Variants in ACP7 observed in about 807,000 individuals in gnomAD.
ACP7 encodes acid phosphatase type 7.
A neutral mutation model predicts 60.6 loss-of-function variants in ACP7; 58 were observed. The ratio of observed to expected loss-of-function variants is 0.96; its 90% CI spans 0.77 to 1.19. The LOEUF (loss-of-function observed/expected upper bound fraction) is 1.19, where lower values mean the gene tolerates loss of function less well. Among genes scored for constraint, ACP7 ranks in the 50% most tolerant of loss-of-function variants. The pLI is 0.00. For missense variants in ACP7, 574 were observed against 596.2 expected (o/e 0.96, Z 0.39); for synonymous variants, 237 against 232.6 (o/e 1.02, Z -0.17).
chr19:39,098,534 G>C lies in ACP7; in HGVS notation c.198G>C (p.Pro66=). 6.2e-7 allele frequency: 1 copy of C among 1,611,726 alleles called. No homozygotes were observed. Residue 66 remains proline (P), a synonymous_variant, in exon 3 of 13, where the codon CCG becomes CCC. Coordinates refer to ENST00000331256, the MANE Select transcript of ACP7 (RefSeq NM_001004318.3). ...TRSEVQFGLQ[P]SGPLPLRAQG... ...CTGAAGTGCAATTCGGGTTGCAGCC[G>C]TCGGGGCCCCTGCCCCTCCGCGCCC...
At chr19:39,089,740 G>T (rs117915520) in intron 2 of ACP7, among the ~76,000 whole-genome samples, 258 of 152,252 alleles carry the variant, frequency 1.7e-3, no homozygotes, top group Non-Finnish European at 2.7e-3. Context: ...AGTATCTCTC[G>T]TTTGGGATTT....
Position 39,098,484 on chromosome 19 carries a change from T to C in ACP7, c.148T>C (p.Trp50Arg). The C allele has an allele frequency of 6.3e-7, 1 of 1,589,074 alleles. No homozygotes were observed. Among genetic ancestry groups the C allele is most frequent in the Non-Finnish European group, 8.6e-7 (1 of 1,168,072 alleles). Residue 50 changes from tryptophan (W) to arginine (R), a missense_variant, in exon 3 of 13, where the codon TGG becomes CGG. By Grantham distance (101) the Trp-to-Arg change is moderately radical. Transcript: ENST00000331256. ...TGAGCCAGGCTCCATGACTGTAACT[T>C]GGACCACATGGGTCCCAACCCGCTC... Reference protein sequence around the residue: ...PGEPGSMTVTWTTWVPTRSEV... With the variant: ...PGEPGSMTVTRTTWVPTRSEV...
Position 39,110,149 on chromosome 19 carries a change from G to A in ACP7, c.*31G>A, listed in dbSNP as rs765016207. 1.0e-5 allele frequency: 16 copies of A among 1,599,034 alleles called. No homozygotes were observed. The East Asian group carries it at 2.7e-4, about 27-fold the overall frequency. The stretch of plus-strand genomic sequence containing the variant: ...GCGGCAGCTCTCCTCCAGAAGCCTA[G>A]GTTTTGCCGCCTTGGCTGCTGTGAC... On this transcript the variant is annotated 3_prime_UTR_variant, in exon 13 of 13. Coordinates refer to ENST00000331256, the MANE Select transcript of ACP7 (RefSeq NM_001004318.3).
At chr19:39,094,257 C>A (rs1355498442) in intron 2 of ACP7, among the ~76,000 whole-genome samples, 3 of 152,062 alleles carry the variant, frequency 2.0e-5, no homozygotes, top group African/African-American at 7.2e-5. Context: ...CTGATCCCAG[C>A]ACTTTGGGAG....
At chr19:39,085,764 C>T (rs756571310) in intron 2 of ACP7, among the ~76,000 whole-genome samples, 5 of 152,216 alleles carry the variant, frequency 3.3e-5, no homozygotes, top group Admixed American at 3.3e-4. Flanking sequence ...TACCCAGCCC[C>T]TTCTCCATCC....
Position 39,098,537 on chromosome 19 carries a change from G to C in ACP7, c.201G>C (p.Ser67=), listed in dbSNP as rs11881432. 6.2e-7 allele frequency: 1 copy of C among 1,611,616 alleles called. No homozygotes were observed. ...AAGTGCAATTCGGGTTGCAGCCGTC[G>C]GGGCCCCTGCCCCTCCGCGCCCAGG... is the stretch of plus-strand genomic sequence containing the variant. The part of the protein sequence containing the change: ...RSEVQFGLQP[S]GPLPLRAQGT... Residue 67 remains serine, a synonymous_variant, in exon 3 of 13, where the codon TCG becomes TCC. Transcript: ENST00000331256.
rs2073420771 is a variant in ACP7, at chr19:39,107,201, A to G, written c.1251+117A>G. On this transcript the variant is annotated intron_variant, in intron 12 of 12. Transcript: ENST00000331256. ...GTGGCTCATGCCTGCAACACCTGCA[A>G]TTTGGTGGGGCTAAGGTATGAGGAT... The G allele has an allele frequency of 4.4e-6, 5 of 1,136,966 alleles. No individual in the cohort carries two copies. In the South Asian group the frequency reaches 1.5e-4, roughly 34 times the overall value. The allele number at this position is 1,136,966 out of a possible 1,614,324, so 70.4% of individuals were successfully genotyped here. A position where few individuals can be genotyped will look rare whatever the true frequency, so the allele number is the denominator to read the frequency against.
intron 4 of ACP7, among the ~76,000 whole-genome samples, chr19:39,099,907 C>T (rs1366613454): frequency 6.7e-6 from 1 of 148,326 alleles, no homozygotes; most frequent in Admixed American, 6.9e-5. Flanking sequence ...GCAGGAGAAC[C>T]GCTTGAACCC....
chr19:39,097,015 T>C (rs374113923), intron 2 of ACP7, among the ~76,000 whole-genome samples: 1 of 152,178 alleles, frequency 6.6e-6, no homozygotes, highest in East Asian at 1.9e-4. Context: ...TTGGCCAGGA[T>C]GGTCTCGATC....
intron 2 of ACP7, 46 bp from the exon 3 acceptor site, chr19:39,098,412 T>C: frequency 2.0e-6 from 1 of 511,840 alleles, no homozygotes; most frequent in Non-Finnish European, 3.4e-6. Flanking sequence ...CCTCCCACCC[T>C]GCCCAGGCTT....
chr19:39,087,633 T>A (rs1455670462), intron 2 of ACP7, among the ~76,000 whole-genome samples: 1 of 23,116 alleles, frequency 4.3e-5, no homozygotes, highest in Non-Finnish European at 9.7e-5. Flanking sequence ...GCTAATTTTG[T>A]TTTTTTTTTT....
rs1196477611 is a variant in ACP7, at chr19:39,085,363, C to T, written c.94C>T (p.Pro32Ser). The T allele has an allele frequency of 6.2e-7, 1 of 1,612,960 alleles. No homozygotes were observed. The part of the protein sequence containing the change: ...QGSLGAPSAA[P>S]EQVHLSYPGE... ...GTCCCTGGGGGCTCCCAGCGCTGCC[C>T]CAGAGCAAGTCCATCTGTCTTACCC... Residue 32 changes from proline (P) to serine (S), a missense_variant, in exon 2 of 13, where the codon CCA becomes TCA. Transcript: ENST00000331256.
chr19:39,108,995 T>C (rs1478566678), intron 12 of ACP7, among the ~76,000 whole-genome samples: 2 of 152,110 alleles, frequency 1.3e-5, no homozygotes, highest in Non-Finnish European at 2.9e-5. Flanking sequence ...TAATTTTTTG[T>C]ATTTTTAGTA....
intron 2 of ACP7, 97 bp from the exon 3 acceptor site, chr19:39,098,361 T>C: frequency 1.2e-6 from 1 of 835,808 alleles, no homozygotes; most frequent in Non-Finnish European, 1.7e-6. Context: ...AACCACTAAC[T>C]GTTCAACAGT....
intron 2 of ACP7, among the ~76,000 whole-genome samples, chr19:39,098,134 C>G (rs1041142906): frequency 6.6e-6 from 1 of 151,556 alleles, no homozygotes; most frequent in African/African-American, 2.4e-5. Flanking sequence ...GCTTGTAATC[C>G]CAGCTACTCG....
At chr19:39,101,586 T>G in intron 11 of ACP7, 49 bp downstream of exon 11, 1 of 1,567,258 alleles carries the variant, frequency 6.4e-7, no homozygotes, top group Non-Finnish European at 8.7e-7. Flanking sequence ...TTCCTATCTA[T>G]GGAGGGCTAA....
At chr19:39,107,214 A>G (rs969363394) in intron 12 of ACP7, 130 bp downstream of exon 12, 1 of 1,030,304 alleles carries the variant, frequency 9.7e-7, no homozygotes, top group Non-Finnish European at 1.3e-6. Context: ...TGGTGGGGCT[A>G]AGGTATGAGG....
chr19:39,100,864 T>G lies in ACP7; in HGVS notation c.807+11T>G. On this transcript the variant is annotated intron_variant, in intron 7 of 12. Transcript: ENST00000331256. ...GAGAGCGACCTCCAGGTAACCTGGGTGGAGGCCCCTATAGTCCCCTGGCCA... is the reference window on the plus strand; with the variant it reads ...GAGAGCGACCTCCAGGTAACCTGGGGGGAGGCCCCTATAGTCCCCTGGCCA... 1 of 1,612,618 alleles carries G rather than the reference T, an allele frequency of 6.2e-7. No homozygotes were observed. Among genetic ancestry groups the G allele is most frequent in the Non-Finnish European group, 8.5e-7 (1 of 1,179,590 alleles).
intron 2 of ACP7, among the ~76,000 whole-genome samples, chr19:39,097,527 G>C (rs2073280377): frequency 6.6e-6 from 1 of 150,632 alleles, no homozygotes; most frequent in African/African-American, 2.4e-5. Flanking sequence ...TGGCACCACT[G>C]CACCTCCAGC....
Sources: gnomAD v4.1 joint callset for allele counts (sites outside exome capture counted in the v4.1 genomes callset) on GRCh38, gnomAD v4.1.1 for gene constraint, MANE v1.5 for transcripts, NCBI Gene and HGNC (gene_info 2026-07-23, HGNC 2026-07-21) for gene names.